The following TNIK variants were observed in gnomAD, a reference collection of about 807,000 sequenced individuals.
TNIK encodes the protein TRAF2 and NCK-interacting protein kinase.
A neutral mutation model predicts 191.3 loss-of-function variants in TNIK; 49 were observed. The observed-to-expected ratio is 0.26, with a 90% confidence interval of 0.20 to 0.32. The LOEUF (loss-of-function observed/expected upper bound fraction) is 0.32. TNIK is among the 10% of genes least tolerant of loss of function. The pLI is 1.00. For missense variants in TNIK, 1,155 were observed against 1,702.3 expected (o/e 0.68, Z 5.66); for synonymous variants, 594 against 600.9 (o/e 0.99, Z 0.17).
At chr3:171,435,770 G>A (rs555199566) in intron 1 of TNIK, among the ~76,000 whole-genome samples, 24 of 151,998 alleles carry the variant, frequency 1.6e-4, no homozygotes, top group Non-Finnish European at 3.2e-4. Context: ...CAATTTTTAG[G>A]GTTTTTCATA....
chr3:171,433,711 T>A (rs2108666182), intron 1 of TNIK, among the ~76,000 whole-genome samples: 1 of 152,116 alleles, frequency 6.6e-6, no homozygotes, highest in South Asian at 2.1e-4. Flanking sequence ...TAAAACAAAT[T>A]CCTGCTTGAT....
intron 7 of TNIK, among the ~76,000 whole-genome samples, chr3:171,177,605 A>G (rs1736114245): frequency 6.6e-6 from 1 of 152,220 alleles, no homozygotes; most frequent in South Asian, 2.1e-4. Flanking sequence ...TGAAAAATGA[A>G]TATAAACAAT....
At chr3:171,241,016 GTTTCTTTTTTTTTCT>G (rs1744902260) in intron 2 of TNIK, among the ~76,000 whole-genome samples, 1 of 148,938 alleles carries the variant, frequency 6.7e-6, no homozygotes, top group Non-Finnish European at 1.5e-5. Flanking sequence ...AAGTCCTTCT[GTTTCTTTTTTTTTCT>G]TTTCTTTTTT....
intron 1 of TNIK, among the ~76,000 whole-genome samples, chr3:171,441,945 T>C (rs1220863890): frequency 2.0e-5 from 3 of 152,206 alleles, no homozygotes; most frequent in Admixed American, 1.3e-4. Flanking sequence ...TAAATGTACT[T>C]AAAAAATTTT....
chr3:171,112,076 AATG>A lies in TNIK; in HGVS notation c.2121-1202_2121-1200del, dbSNP rs531162938. Among the ~76,000 whole-genome samples, 29 of 152,338 alleles carry A rather than the reference AATG, an allele frequency of 1.9e-4. 2 individuals are homozygous for A. The East Asian group carries it at 5.4e-3, about 28-fold the overall frequency. On this transcript the variant is annotated intron_variant, in intron 18 of 32. Coordinates refer to ENST00000436636, the MANE Select transcript of TNIK (RefSeq NM_015028.4). ...TAGATCTTAAATGTCATCAGAAAAA[AATG>A]ATAACTATGTGAGGTGATGGATATA...
chr3:171,127,059 A>C (rs1728576088), intron 16 of TNIK, among the ~76,000 whole-genome samples: 2 of 152,258 alleles, frequency 1.3e-5, no homozygotes, highest in African/African-American at 4.8e-5. Context: ...TGTCATGCTC[A>C]TCGTCATATC....
In TNIK at chr3:171,082,162, G is replaced by A. The variant is rs1199051222; in HGVS notation, c.3313+89C>T. 1.0e-5 allele frequency: 15 copies of A among 1,491,488 alleles called. No homozygotes were observed. In the South Asian group the frequency reaches 1.6e-4, roughly 16 times the overall value. 92.4% of individuals were successfully genotyped at this position (1,491,488 alleles called of 1,614,324 possible). On this transcript the variant is annotated intron_variant, in intron 27 of 32. Coordinates refer to ENST00000436636, the MANE Select transcript of TNIK (RefSeq NM_015028.4). ...CTTTATTGTGTTGTTTGTTAGCTGG[G>A]AAGGGCAGAACTAACTGTTTCTGCA...
rs1224095923 is a variant in TNIK at position 171,365,197 on chromosome 3, T to TTTTTTTTTTTTTC, written c.123+4422_123+4423insGAAAAAAAAAAAA. Among the ~76,000 whole-genome samples the TTTTTTTTTTTTTC allele has an allele frequency of 1.9e-5, 2 of 107,852 alleles. 1 individual carries two copies. Among genetic ancestry groups the TTTTTTTTTTTTTC allele is most frequent in the South Asian group, 7.2e-4 (2 of 2,762 alleles). The allele number at this position is 107,852 out of a possible 152,430, so 70.8% of individuals were successfully genotyped here. A position where few individuals can be genotyped will look rare whatever the true frequency, so the allele number is the denominator to read the frequency against. ...TTTTTTTTTTTTTTTTTTTTTTTTTTTTGAGACAGAGTTTCGCTCTACTTG... is the reference window on the plus strand; with the variant it reads ...TTTTTTTTTTTTTTTTTTTTTTTTTTTTTTTTTTTTTTCTTGAGACAGAGTTTCGCTCTACTTG... On this transcript the variant is annotated intron_variant, in intron 2 of 32. Coordinates refer to ENST00000436636, the MANE Select transcript of TNIK (RefSeq NM_015028.4).
intron 2 of TNIK, among the ~76,000 whole-genome samples, chr3:171,363,648 GA>G (rs200499983): frequency 0.055 from 8,425 of 152,256 alleles, 296 homozygotes; most frequent in Non-Finnish European, 0.079. Flanking sequence ...TAATGTTATA[GA>G]ATCACCTCCA....
intron 2 of TNIK, among the ~76,000 whole-genome samples, chr3:171,231,689 G>A (rs1364513304): frequency 6.6e-6 from 1 of 152,184 alleles, no homozygotes. Context: ...AGGCAGACTT[G>A]GAGGGAATGG....
chr3:171,418,602 T>C (rs1277306386), intron 1 of TNIK, among the ~76,000 whole-genome samples: 1 of 152,178 alleles, frequency 6.6e-6, no homozygotes, highest in African/African-American at 2.4e-5. Flanking sequence ...ATTATATGAT[T>C]TCACTTGTAT....
intron 32 of TNIK, among the ~76,000 whole-genome samples, chr3:171,065,359 A>G (rs1420215847): frequency 6.6e-6 from 1 of 152,248 alleles, no homozygotes; most frequent in African/African-American, 2.4e-5. Flanking sequence ...GTTTGGACTA[A>G]GACCAACCTG....
chr3:171,375,667 C>T (rs895434652), intron 1 of TNIK, among the ~76,000 whole-genome samples: 3 of 152,196 alleles, frequency 2.0e-5, no homozygotes, highest in Admixed American at 6.5e-5. Context: ...CTGAATGATA[C>T]TGGATTTATA....
chr3:171,186,376 G>A (rs1000517365), intron 7 of TNIK, among the ~76,000 whole-genome samples: 1 of 152,096 alleles, frequency 6.6e-6, no homozygotes, highest in Non-Finnish European at 1.5e-5. Flanking sequence ...GGTATGGCTT[G>A]GTTTTGTTAT....
rs187310927 is a variant in TNIK at position 171,456,092 on chromosome 3, A to G, written c.57+3915T>C. The stretch of plus-strand genomic sequence containing the variant: ...GGGGAAAGACAAGTGTAGATCATCT[A>G]ATTTTGTTCAAATACAAAAGTGTAT... On this transcript the variant is annotated intron_variant, in intron 1 of 32. Coordinates refer to ENST00000436636, the MANE Select transcript of TNIK (RefSeq NM_015028.4). Among the ~76,000 whole-genome samples the G allele has an allele frequency of 4.3e-5, 6 of 139,966 alleles. No individual in the cohort carries two copies. The East Asian group carries it at 1.1e-3, about 25-fold the overall frequency. The allele number at this position is 139,966 out of a possible 152,430, so 91.8% of individuals were successfully genotyped here.
chr3:171,196,458 C>T (rs1738682009), intron 4 of TNIK, among the ~76,000 whole-genome samples: 1 of 152,186 alleles, frequency 6.6e-6, no homozygotes, highest in African/African-American at 2.4e-5. Flanking sequence ...AGGCCTCTAG[C>T]TCCAGCCACT....
At chr3:171,137,219 C>T (rs1730153011) in intron 15 of TNIK, among the ~76,000 whole-genome samples, 2 of 133,372 alleles carry the variant, frequency 1.5e-5, no homozygotes, top group Non-Finnish European at 3.1e-5. Flanking sequence ...ATAGGTTAGA[C>T]AAATACAAAG....
chr3:171,383,821 T>A (rs183809850), intron 1 of TNIK, among the ~76,000 whole-genome samples: 292 of 149,990 alleles, frequency 1.9e-3, no homozygotes, highest in Non-Finnish European at 2.7e-3. Flanking sequence ...GGGCAACAGA[T>A]GACTAAAAAC....
chr3:171,167,330 G>A, intron 9 of TNIK, 60 bp from the exon 10 acceptor site: 4 of 1,576,280 alleles, frequency 2.5e-6, no homozygotes, highest in Non-Finnish European at 3.4e-6. Flanking sequence ...AAGCAAATGT[G>A]TAATTTCTGA....
Sources: gnomAD v4.1 joint callset for allele counts (sites outside exome capture counted in the v4.1 genomes callset) on GRCh38, gnomAD v4.1.1 for gene constraint, MANE v1.5 for transcripts, NCBI Gene and HGNC (gene_info 2026-07-23, HGNC 2026-07-21) for gene names.